The following ZCCHC9 variants were observed in gnomAD, a reference collection of about 807,000 sequenced individuals.
ZCCHC9 encodes zinc finger CCHC-type containing 9, also known as zinc finger CCHC domain-containing protein 9.
Under a neutral mutation model 30.8 loss-of-function variants are expected in ZCCHC9, and 18 were observed. The observed-to-expected ratio is 0.58, with a 90% confidence interval of 0.40 to 0.87. The LOEUF (loss-of-function observed/expected upper bound fraction) is 0.87. Ranked by LOEUF, ZCCHC9 falls within the 40% of genes least tolerant of loss-of-function variation. The probability of loss-of-function intolerance (pLI) is 0.00; values close to 1 mark genes in which losing one functional copy is unlikely to be tolerated. For synonymous variants in ZCCHC9, 94 were observed against 106.7 expected, an observed-to-expected ratio of 0.88 and a Z score of 0.73; for missense variants, 279 against 331.2, an observed-to-expected ratio of 0.84 and a Z score of 1.22.
chr5:81,305,149 C>CA lies in ZCCHC9; in HGVS notation c.384+9dup, dbSNP rs755992044. 125 of 1,583,406 alleles carry CA rather than the reference C, an allele frequency of 7.9e-5. No individual in the cohort carries two copies. Among genetic ancestry groups the CA allele is most frequent in the Admixed American group, 1.9e-5 (1 of 52,880 alleles). On this transcript the variant is annotated intron_variant, in intron 2 of 5. Transcript: ENST00000407610. ...GCAAAGAAAAATGCAATGGTGAGAG[C>CA]ATCACTTCTACCATGTTATTTACTT...
At chr5:81,304,609 A>G in intron 1 of ZCCHC9, 132 bp from the exon 2 acceptor site, 1 of 693,228 alleles carries the variant, frequency 1.4e-6, no homozygotes, top group Non-Finnish European at 2.2e-6. Context: ...TAACTGAAAT[A>G]AAAAGTGTTT....
At chr5:81,309,211 C>T (rs1278379342) in intron 4 of ZCCHC9, 173 bp downstream of exon 4, 2 of 476,126 alleles carry the variant, frequency 4.2e-6, no homozygotes, top group African/African-American at 4.0e-5. Flanking sequence ...TGCAATTTGA[C>T]TTCAGATGTT....
chr5:81,306,204 CTTTTA>C (rs773447198), intron 2 of ZCCHC9, among the ~76,000 whole-genome samples: 6 of 152,158 alleles, frequency 3.9e-5, no homozygotes, highest in Non-Finnish European at 7.3e-5. Context: ...AGTTATTATA[CTTTTA>C]TTTTTTATTA....
At chr5:81,304,712 C>T in intron 1 of ZCCHC9, 29 bp from the exon 2 acceptor site, 1 of 1,516,704 alleles carries the variant, frequency 6.6e-7, no homozygotes, top group Non-Finnish European at 8.8e-7. Flanking sequence ...GATGGCTAAC[C>T]ACCCATGCTT....
intron 4 of ZCCHC9, among the ~76,000 whole-genome samples, chr5:81,309,476 T>C (rs1008607171): frequency 1.3e-5 from 2 of 152,234 alleles, no homozygotes; most frequent in African/African-American, 4.8e-5. Flanking sequence ...TAGTTATTTG[T>C]CTGGTATGGG....
intron 2 of ZCCHC9, 97 bp from the exon 3 acceptor site, chr5:81,308,460 TAATA>T: frequency 2.2e-6 from 3 of 1,358,778 alleles, no homozygotes; most frequent in Non-Finnish European, 1.9e-6. Flanking sequence ...AAAAATAGCT[TAATA>T]AGATGAGAAA....
At chr5:81,311,135 A>T in intron 4 of ZCCHC9, 76 bp from the exon 5 acceptor site, 2 of 1,444,630 alleles carry the variant, frequency 1.4e-6, no homozygotes, top group Non-Finnish European at 1.9e-6. Flanking sequence ...ATCCAGTAAG[A>T]TGTGAAAGTG....
At chr5:81,305,208 C>T in intron 2 of ZCCHC9, 67 bp downstream of exon 2, 5 of 1,516,684 alleles carry the variant, frequency 3.3e-6, no homozygotes, top group Non-Finnish European at 4.4e-6. Flanking sequence ...TATTCACACA[C>T]ATATATACCT....
At position 81,313,079 on chromosome 5, in the gene ZCCHC9, A is replaced by G. The variant is rs113758347; in HGVS notation, c.*417A>G. ...CAATTTATTATTATAATAGAAATTT[A>G]TAAGTTGCTAGAAAGTCTATATTTT... On this transcript the variant is annotated 3_prime_UTR_variant, in exon 6 of 6. Coordinates refer to ENST00000407610, the MANE Select transcript of ZCCHC9 (RefSeq NM_001131035.2). 3.3e-5 allele frequency: 5 copies of G among 152,662 alleles called. No individual in the cohort carries two copies. The highest frequency in any genetic ancestry group is 1.2e-4 in the African/African-American group (5 of 41,582). The allele number at this position is 152,662 out of a possible 1,614,324, so 9.5% of individuals were successfully genotyped here.
intron 1 of ZCCHC9, chr5:81,303,449 T>A (rs1758015588): frequency 6.6e-6 from 1 of 152,118 alleles, no homozygotes; most frequent in Non-Finnish European, 1.5e-5. Flanking sequence ...CCTGTAAAAA[T>A]TTTTTTTGTT....
At chr5:81,302,825 T>C (rs1452679296) in intron 1 of ZCCHC9, 1 of 152,020 alleles carries the variant, frequency 6.6e-6, no homozygotes, top group Non-Finnish European at 1.5e-5. Context: ...AGTCAGTGAG[T>C]GGTATGTGAG....
chr5:81,312,710 AC>A lies in ZCCHC9; in HGVS notation c.*50del. 7.2e-7 allele frequency: 1 copy of A among 1,393,746 alleles called. No homozygotes were observed. The highest frequency in any genetic ancestry group is 1.2e-5 in the South Asian group (1 of 83,734). The allele number at this position is 1,393,746 out of a possible 1,614,324, so 86.3% of individuals were successfully genotyped here. A position where few individuals can be genotyped will look rare whatever the true frequency, so the allele number is the denominator to read the frequency against. On this transcript the variant is annotated 3_prime_UTR_variant, in exon 6 of 6. Coordinates refer to ENST00000407610, the MANE Select transcript of ZCCHC9 (RefSeq NM_001131035.2). The stretch of plus-strand genomic sequence containing the variant: ...TTACTACCTCATTGTTACTTTCTAA[AC>A]CAGGCCCGCTTCACGAGTTAGAGTT...
chr5:81,301,871 G>C (rs978451206), intron 1 of ZCCHC9, 173 bp downstream of exon 1: 1 of 152,484 alleles, frequency 6.6e-6, no homozygotes, highest in Non-Finnish European at 1.5e-5. Context: ...CGGCTGCTGG[G>C]GGCTGTGCGT....
At chr5:81,310,302 T>C (rs1413546070) in intron 4 of ZCCHC9, among the ~76,000 whole-genome samples, 1 of 152,194 alleles carries the variant, frequency 6.6e-6, no homozygotes, top group African/African-American at 2.4e-5. Context: ...GCGATTTGTT[T>C]TAATTTAGAA....
intron 5 of ZCCHC9, 99 bp from the exon 6 acceptor site, chr5:81,312,445 T>C: frequency 1.2e-6 from 1 of 869,424 alleles, no homozygotes; most frequent in Non-Finnish European, 1.8e-6. Flanking sequence ...TTGTGATTAT[T>C]CATATCAAAA....
rs1179784090 is a variant in ZCCHC9 at position 81,301,680 on chromosome 5, T to TGCGCGGTA, written c.-28_-21dup. On this transcript the variant is annotated 5_prime_UTR_variant, in exon 1 of 6. An upstream open reading frame in the 5' UTR loses its in-frame stop. Coordinates refer to ENST00000407610, the MANE Select transcript of ZCCHC9 (RefSeq NM_001131035.2). ...GGGGGATTCGTGCGCGGTAAGAAGCTGCGCGGTAGCGCGGTGAGGTGAGGT... is the reference window on the plus strand; with the variant it reads ...GGGGGATTCGTGCGCGGTAAGAAGCTGCGCGGTAGCGCGGTAGCGCGGTGAGGTGAGGT... 6.6e-6 allele frequency: 1 copy of TGCGCGGTA among 152,592 alleles called. No individual in the cohort carries two copies. Among genetic ancestry groups the TGCGCGGTA allele is most frequent in the South Asian group, 2.1e-4 (1 of 4,836 alleles). The allele number at this position is 152,592 out of a possible 1,614,324, so 9.5% of individuals were successfully genotyped here. A position where few individuals can be genotyped will look rare whatever the true frequency, so the allele number is the denominator to read the frequency against.
chr5:81,312,822 A>G lies in ZCCHC9; in HGVS notation c.*160A>G. The G allele has an allele frequency of 1.9e-6, 1 of 528,398 alleles. No homozygotes were observed. The highest frequency in any genetic ancestry group is 3.4e-6 in the Non-Finnish European group (1 of 293,216). 32.7% of individuals were successfully genotyped at this position (528,398 alleles called of 1,614,324 possible). ...ACAATTTTCTTTATTCTGTCTATCA[A>G]ATAGTACTTCTACCACTGTTTGGAG... On this transcript the variant is annotated 3_prime_UTR_variant, in exon 6 of 6. Transcript: ENST00000407610.
At chr5:81,311,375 T>C in intron 5 of ZCCHC9, 96 bp downstream of exon 5, 2 of 1,263,032 alleles carry the variant, frequency 1.6e-6, no homozygotes, top group Non-Finnish European at 2.3e-6. Flanking sequence ...GGGATACTAA[T>C]GATTTTAAGA....
Position 81,304,836 on chromosome 5 carries a change from G to A in ZCCHC9, c.79G>A (p.Gly27Arg). 6.2e-7 allele frequency: 1 copy of A among 1,613,964 alleles called. No homozygotes were observed. Among genetic ancestry groups the A allele is most frequent in the Non-Finnish European group, 8.5e-7 (1 of 1,180,014 alleles). Residue 27 changes from glycine to arginine, a missense_variant, in exon 2 of 6, where the codon GGA becomes AGA. Coordinates refer to ENST00000407610, the MANE Select transcript of ZCCHC9 (RefSeq NM_001131035.2). Reference protein sequence around the residue: ...PATSWEDMKKGSFEGTSQNLP... With the variant: ...PATSWEDMKKRSFEGTSQNLP... The stretch of plus-strand genomic sequence containing the variant: ...AACATCATGGGAGGACATGAAGAAG[G>A]GATCCTTTGAGGGAACAAGCCAAAA...
Sources: allele counts gnomAD v4.1 joint callset (sites outside exome capture counted in the v4.1 genomes callset), GRCh38; gene constraint gnomAD v4.1.1; transcripts MANE v1.5; gene names NCBI Gene and HGNC (gene_info 2026-07-23, HGNC 2026-07-21).